Variants in TOX observed in about 807,000 individuals in gnomAD.
TOX encodes thymocyte selection-associated high mobility group box protein TOX.
Under a neutral mutation model 53.7 loss-of-function variants are expected in TOX, and 11 were observed. The ratio of observed to expected loss-of-function variants is 0.20; its 90% CI spans 0.13 to 0.34. The LOEUF is 0.34. Ranked by LOEUF, TOX falls within the 10% of genes least tolerant of loss-of-function variation. The pLI, the probability that TOX is intolerant of heterozygous loss-of-function variation, is 1.00. For missense variants in TOX, 570 were observed against 664.6 expected (o/e 0.86, Z 1.56); for synonymous variants, 225 against 245.3 (o/e 0.92, Z 0.77).
At chr8:58,974,359 T>A (rs1813055209) in intron 1 of TOX, among the ~76,000 whole-genome samples, 1 of 152,206 alleles carries the variant, frequency 6.6e-6, no homozygotes. Flanking sequence ...GTCATTTTTA[T>A]GACAAACTGT....
chr8:59,001,394 C>T (rs1813686216), intron 1 of TOX, among the ~76,000 whole-genome samples: 2 of 152,174 alleles, frequency 1.3e-5, no homozygotes, highest in Non-Finnish European at 2.9e-5. Flanking sequence ...ATACCTCCCA[C>T]TCACACCCTA....
Position 59,117,752 on chromosome 8 carries a change from G to A in TOX, c.102+1134C>T, listed in dbSNP as rs1403404635. ...AGGGTCGCCATGGATGTGCCTGCAG[G>A]GGCTGTGAGTATCAGGCAGATTTAT... is the stretch of plus-strand genomic sequence containing the variant. On this transcript the variant is annotated intron_variant, in intron 1 of 8. Coordinates refer to ENST00000361421, the MANE Select transcript of TOX (RefSeq NM_014729.3). This position sits in a 1 kb window ranked among gnomAD's most constrained non-coding sequence, Gnocchi z 4.6. 6.6e-6 allele frequency among the ~76,000 whole-genome samples: 1 copy of A among 152,212 alleles called. No individual in the cohort carries two copies. The highest frequency in any genetic ancestry group is 1.5e-5 in the Non-Finnish European group (1 of 68,034).
intron 3 of TOX, among the ~76,000 whole-genome samples, chr8:58,906,951 T>C (rs1027104401): frequency 1.3e-5 from 2 of 152,244 alleles, no homozygotes; most frequent in African/African-American, 4.8e-5. Context: ...GTCTTGGATG[T>C]CATAAAATTC....
At chr8:58,885,233 C>T (rs191967559) in intron 3 of TOX, among the ~76,000 whole-genome samples, 55 of 152,136 alleles carry the variant, frequency 3.6e-4, no homozygotes, top group Non-Finnish European at 6.0e-4. Context: ...CTGCAAAATA[C>T]GACAAAAGCA....
chr8:59,076,210 G>A (rs1360825844), intron 1 of TOX, among the ~76,000 whole-genome samples: 1 of 152,326 alleles, frequency 6.6e-6, no homozygotes, highest in East Asian at 1.9e-4. Flanking sequence ...CCCTGAGACG[G>A]TAAGATAGGG....
At chr8:58,936,664 T>C (rs1488759281) in intron 3 of TOX, among the ~76,000 whole-genome samples, 2 of 152,160 alleles carry the variant, frequency 1.3e-5, no homozygotes, top group East Asian at 3.8e-4. Flanking sequence ...TAGATTTCTA[T>C]TGCAACTTTA....
intron 2 of TOX, among the ~76,000 whole-genome samples, chr8:58,947,937 C>T (rs1812550981): frequency 1.3e-5 from 2 of 152,196 alleles, no homozygotes; most frequent in Admixed American, 1.3e-4. Context: ...GGCCTTCAAC[C>T]TCTAAGATAA....
chr8:59,113,176 A>G (rs1805049592), intron 1 of TOX, among the ~76,000 whole-genome samples: 1 of 152,238 alleles, frequency 6.6e-6, no homozygotes, highest in South Asian at 2.1e-4. Flanking sequence ...CTGTATTCCA[A>G]CTGAAGATCA....
At chr8:58,996,436 A>G (rs1020670477) in intron 1 of TOX, among the ~76,000 whole-genome samples, 2 of 152,344 alleles carry the variant, frequency 1.3e-5, no homozygotes, top group East Asian at 1.9e-4. Context: ...ATTACAATCA[A>G]TTGCCTTTCT....
intron 1 of TOX, among the ~76,000 whole-genome samples, chr8:59,107,520 T>C (rs1804936111): frequency 6.6e-6 from 1 of 152,210 alleles, no homozygotes; most frequent in Non-Finnish European, 1.5e-5. Context: ...GTTGAAATAT[T>C]TGTCTTCTTA....
At chr8:59,080,752 T>C (rs938696913) in intron 1 of TOX, among the ~76,000 whole-genome samples, 1 of 152,160 alleles carries the variant, frequency 6.6e-6, no homozygotes, top group African/African-American at 2.4e-5. Context: ...TTGTTCCTGT[T>C]TTCAACATGT....
At chr8:58,853,133 C>T (rs1322864079) in intron 3 of TOX, among the ~76,000 whole-genome samples, 1 of 152,172 alleles carries the variant, frequency 6.6e-6, no homozygotes, top group Non-Finnish European at 1.5e-5. Context: ...ACTGCCTCCA[C>T]CATGAGGCCT....
chr8:58,939,684 T>G, intron 2 of TOX, 140 bp from the exon 3 acceptor site: 1 of 1,228,168 alleles, frequency 8.1e-7, no homozygotes, highest in Non-Finnish European at 1.1e-6. Context: ...CAGATTATCC[T>G]GCTGCCATTT....
chr8:58,877,219 A>G (rs544684155), intron 3 of TOX, among the ~76,000 whole-genome samples: 23 of 152,150 alleles, frequency 1.5e-4, no homozygotes, highest in Admixed American at 1.5e-3. Flanking sequence ...TAATTATAAC[A>G]GTGATGTATC....
At chr8:58,837,372 A>G (rs911543905) in intron 5 of TOX, among the ~76,000 whole-genome samples, 2 of 152,166 alleles carry the variant, frequency 1.3e-5, no homozygotes, top group Non-Finnish European at 2.9e-5. Flanking sequence ...GAAATGTGGG[A>G]TCAACATTGC....
intron 1 of TOX, among the ~76,000 whole-genome samples, chr8:59,092,744 C>T (rs1804646881): frequency 6.6e-6 from 1 of 152,154 alleles, no homozygotes; most frequent in South Asian, 2.1e-4. Flanking sequence ...TCTTTGAGAT[C>T]CAGGCCAGGT....
At chr8:59,007,268 A>T (rs939828443) in intron 1 of TOX, among the ~76,000 whole-genome samples, 1 of 151,162 alleles carries the variant, frequency 6.6e-6, no homozygotes, top group Non-Finnish European at 1.5e-5. Context: ...ACTATACTTT[A>T]TGTCATTTGA....
intron 1 of TOX, among the ~76,000 whole-genome samples, chr8:59,047,051 T>C (rs1286769634): frequency 2.0e-5 from 3 of 152,060 alleles, no homozygotes; most frequent in South Asian, 4.1e-4. Flanking sequence ...GCCAGGCTAG[T>C]GGAGAATGTG....
intron 7 of TOX, among the ~76,000 whole-genome samples, chr8:58,813,332 C>G (rs1810116646): frequency 6.6e-6 from 1 of 152,198 alleles, no homozygotes; most frequent in African/African-American, 2.4e-5. Context: ...TCTCTGCACA[C>G]AGCTCCAGCC....
Sources: gnomAD v4.1 joint callset for allele counts (sites outside exome capture counted in the v4.1 genomes callset) on GRCh38, gnomAD v4.1.1 for gene constraint, Gnocchi (gnomAD v3.1) non-coding constraint, MANE v1.5 for transcripts, NCBI Gene and HGNC (gene_info 2026-07-23, HGNC 2026-07-21) for gene names.